The following VDAC1 variants were observed in gnomAD, a reference collection of about 807,000 sequenced individuals.
VDAC1 encodes the protein non-selective voltage-gated ion channel VDAC1.
A neutral mutation model predicts 34.7 loss-of-function variants in VDAC1; 10 were observed. That is an observed-to-expected ratio of 0.29 (90% confidence interval 0.18 to 0.49). The LOEUF (loss-of-function observed/expected upper bound fraction) is 0.49, where lower values mean the gene tolerates loss of function less well. Ranked by LOEUF, VDAC1 falls within the 20% of genes least tolerant of loss-of-function variation. The pLI, the probability that VDAC1 is intolerant of heterozygous loss-of-function variation, is 0.99. For missense variants in VDAC1, 230 were observed against 347.9 expected (o/e 0.66, Z 2.69); for synonymous variants, 130 against 136.0 (o/e 0.96, Z 0.30).
chr5:134,000,078 C>T (rs942142886), intron 1 of VDAC1, among the ~76,000 whole-genome samples: 2 of 152,048 alleles, frequency 1.3e-5, no homozygotes, highest in Non-Finnish European at 2.9e-5. Flanking sequence ...AACATGGGGG[C>T]GAACACAATC....
At chr5:134,091,098 C>G in the VDAC1 span, among the ~76,000 whole-genome samples, 1 of 152,116 alleles carries the variant, frequency 6.6e-6, no homozygotes, top group African/African-American at 2.4e-5. Flanking sequence ...AAAATTAAGG[C>G]CATAGGGTAG....
chr5:134,084,678 C>A, the VDAC1 span, among the ~76,000 whole-genome samples: 1 of 152,276 alleles, frequency 6.6e-6, no homozygotes, highest in Admixed American at 6.5e-5. Flanking sequence ...GAAAACATGG[C>A]AGGCCTGCCT....
At chr5:134,065,030 T>C in the VDAC1 span, among the ~76,000 whole-genome samples, 1 of 152,092 alleles carries the variant, frequency 6.6e-6, no homozygotes, top group Non-Finnish European at 1.5e-5. Flanking sequence ...TTAGTTTCCT[T>C]TTTTATTTCC....
Position 133,991,053 on chromosome 5 carries a change from C to T in VDAC1, c.219G>A (p.Glu73=). 4 of 1,614,184 alleles carry T rather than the reference C, an allele frequency of 2.5e-6. No individual in the cohort carries two copies. The highest frequency in any genetic ancestry group is 3.4e-6 in the Non-Finnish European group (4 of 1,180,048). ...RWTEYGLTFT[E]KWNTDNTLGT... ...CTAGTGTATTGTCGGTATTCCATTT[C>T]TCTGTAAACGTCAGGCCGTACTCAG... The change falls in exon 4 of 9, where the codon GAG becomes GAA. Residue 73 remains glutamate, a synonymous_variant. Coordinates refer to ENST00000265333, the MANE Select transcript of VDAC1 (RefSeq NM_003374.3).
chr5:134,077,560 C>A, the VDAC1 span, among the ~76,000 whole-genome samples: 3 of 152,320 alleles, frequency 2.0e-5, no homozygotes, highest in East Asian at 5.8e-4. Context: ...ATCACGCTGG[C>A]ATGCCCCATA....
Position 133,987,478 on chromosome 5 carries a change from G to A in VDAC1, c.323+3377C>T, listed in dbSNP as rs533700705. Among the ~76,000 whole-genome samples, 18 of 152,302 alleles carry A rather than the reference G, an allele frequency of 1.2e-4. 1 individual carries two copies. The South Asian group carries it at 3.7e-3, about 32-fold the overall frequency. On this transcript the variant is annotated intron_variant, in intron 5 of 8. Coordinates refer to ENST00000265333, the MANE Select transcript of VDAC1 (RefSeq NM_003374.3). The stretch of plus-strand genomic sequence containing the variant: ...GGATCGCTTGAGCTGAGAAGTTCTA[G>A]ACCAGCCTGGCCAACCTGGTGAAAC...
the VDAC1 span, among the ~76,000 whole-genome samples, chr5:134,076,838 T>C: frequency 2.6e-5 from 4 of 152,122 alleles, no homozygotes; most frequent in African/African-American, 9.7e-5. Flanking sequence ...CAGGTTATTT[T>C]AAACATGTAC....
the VDAC1 span, among the ~76,000 whole-genome samples, chr5:134,093,396 T>C: frequency 1.3e-5 from 2 of 152,194 alleles, no homozygotes; most frequent in Admixed American, 1.3e-4. Context: ...CAGGTTGTGT[T>C]CCTTTAGAGC....
intron 7 of VDAC1, 137 bp downstream of exon 7, chr5:133,975,734 C>T (rs1222890166): frequency 1.5e-6 from 2 of 1,351,016 alleles, no homozygotes; most frequent in African/African-American, 1.5e-5. Context: ...GCAGGGATTA[C>T]AGGCGTGAGT....
chr5:134,050,870 A>G, the VDAC1 span, among the ~76,000 whole-genome samples: 1 of 152,178 alleles, frequency 6.6e-6, no homozygotes, highest in African/African-American at 2.4e-5. Flanking sequence ...GATAAAAACA[A>G]TCCACCCCTT....
At chr5:133,986,195 G>T (rs147747700) in intron 5 of VDAC1, among the ~76,000 whole-genome samples, 288 of 152,304 alleles carry the variant, frequency 1.9e-3, no homozygotes, top group African/African-American at 6.1e-3. Flanking sequence ...TGGATACTCA[G>T]CGTGGGTGCT....
chr5:134,067,271 C>A, the VDAC1 span, among the ~76,000 whole-genome samples: 1 of 151,618 alleles, frequency 6.6e-6, no homozygotes, highest in Non-Finnish European at 1.5e-5. Flanking sequence ...GACAGGGTTT[C>A]TCCATGTTGG....
the VDAC1 span, among the ~76,000 whole-genome samples, chr5:134,027,767 C>CTTTTT: frequency 4.1e-5 from 5 of 120,652 alleles, no homozygotes; most frequent in Non-Finnish European, 6.8e-5. Context: ...ATCTTGCCTA[C>CTTTTT]TTTTTTTTTT....
the VDAC1 span, among the ~76,000 whole-genome samples, chr5:134,055,588 GTTTT>G: frequency 0.015 from 908 of 59,418 alleles, 3 homozygotes; most frequent in Non-Finnish European, 0.02. Flanking sequence ...CCCCGCTAAT[GTTTT>G]TTTTTTTTTT....
rs117198462 is a variant in VDAC1 at position 133,982,622 on chromosome 5, G to A, written c.324-1666C>T. Among the ~76,000 whole-genome samples, 621 of 152,286 alleles carry A rather than the reference G, an allele frequency of 4.1e-3. 8 individuals carry two copies. Among genetic ancestry groups the A allele is most frequent in the Admixed American group, 0.012 (185 of 15,286 alleles). ...AAACAGCAAAAGGCCAGGTGCGGTG[G>A]CTTACGCCTATAATCCCAACACTTC... On this transcript the variant is annotated intron_variant, in intron 5 of 8. Transcript: ENST00000265333.
At chr5:134,043,268 C>A in the VDAC1 span, among the ~76,000 whole-genome samples, 1 of 152,208 alleles carries the variant, frequency 6.6e-6, no homozygotes, top group Admixed American at 6.5e-5. Context: ...GTTTCAAATG[C>A]CCAGTCTCAT....
At chr5:134,105,275 G>T in the VDAC1 span, among the ~76,000 whole-genome samples, 1 of 152,162 alleles carries the variant, frequency 6.6e-6, no homozygotes, top group Non-Finnish European at 1.5e-5. Context: ...AATAACTTGG[G>T]GTTCCTGCTG....
At chr5:134,108,683 A>ACCAAT in the VDAC1 span, among the ~76,000 whole-genome samples, 2 of 152,056 alleles carry the variant, frequency 1.3e-5, no homozygotes, top group East Asian at 3.9e-4. Flanking sequence ...TGTCCTGGGG[A>ACCAAT]GGGAATACTT....
chr5:134,023,785 G>A, the VDAC1 span, among the ~76,000 whole-genome samples: 1 of 152,046 alleles, frequency 6.6e-6, no homozygotes, highest in Non-Finnish European at 1.5e-5. Context: ...AGGGATGAGG[G>A]CTACTCAAGA....
Sources: allele counts gnomAD v4.1 joint callset (sites outside exome capture counted in the v4.1 genomes callset), GRCh38; gene constraint gnomAD v4.1.1; transcripts MANE v1.5; gene names NCBI Gene and HGNC (gene_info 2026-07-23, HGNC 2026-07-21).